The following RANBP17 variants were observed in gnomAD, a reference collection of about 807,000 sequenced individuals.
The protein encoded by RANBP17 is ran-binding protein 17.
In RANBP17, 158 loss-of-function variants were observed where a neutral mutation model predicts 141.2. The observed-to-expected ratio is 1.12, with a 90% CI of 0.98 to 1.28. RANBP17 has a LOEUF of 1.28. Among genes scored for constraint, RANBP17 ranks in the 50% most tolerant of loss-of-function variants. The pLI is 0.00. For synonymous variants in RANBP17, 430 were observed against 450.0 expected (o/e 0.96, Z 0.56); for missense variants, 1,438 against 1,290.7 (o/e 1.11, Z -1.75).
At chr5:171,255,887 G>A (rs373241790) in intron 24 of RANBP17, among the ~76,000 whole-genome samples, 5 of 152,092 alleles carry the variant, frequency 3.3e-5, no homozygotes, top group African/African-American at 1.2e-4. Context: ...ATAAATTATT[G>A]TAACTAAAAA....
At chr5:171,175,283 A>G (rs185887978) in intron 16 of RANBP17, among the ~76,000 whole-genome samples, 40 of 152,334 alleles carry the variant, frequency 2.6e-4, no homozygotes, top group African/African-American at 9.4e-4. Context: ...TCTTTACAGT[A>G]GAATGATTTA....
intron 14 of RANBP17, among the ~76,000 whole-genome samples, chr5:171,082,111 A>G (rs1208180262): frequency 6.6e-6 from 1 of 152,136 alleles, no homozygotes; most frequent in African/African-American, 2.4e-5. Flanking sequence ...CTTAAAGCAG[A>G]TATTTTTCTA....
chr5:171,130,431 CTTTTTTT>C (rs72051535), intron 14 of RANBP17, among the ~76,000 whole-genome samples: 7 of 90,018 alleles, frequency 7.8e-5, no homozygotes, highest in Non-Finnish European at 1.2e-4. Flanking sequence ...TTTAAAAAGA[CTTTTTTT>C]TTTTTTTTTT....
intron 3 of RANBP17, among the ~76,000 whole-genome samples, chr5:170,885,483 T>C (rs1348138314): frequency 6.6e-6 from 1 of 152,208 alleles, no homozygotes; most frequent in Non-Finnish European, 1.5e-5. Flanking sequence ...TAGTTGAGTC[T>C]GGTCTACAAA....
At chr5:171,054,443 T>A (rs245748) in intron 14 of RANBP17, among the ~76,000 whole-genome samples, 102,027 of 152,100 alleles carry the variant, frequency 0.67, 34,483 homozygotes, top group South Asian at 0.89. Context: ...ATATAGGGTA[T>A]CTTGCTAACA....
At chr5:170,906,743 T>C (rs1771104887) in intron 5 of RANBP17, among the ~76,000 whole-genome samples, 1 of 151,968 alleles carries the variant, frequency 6.6e-6, no homozygotes, top group Non-Finnish European at 1.5e-5. Flanking sequence ...TTGCTCAGAT[T>C]TTCCAAGATT....
intron 14 of RANBP17, among the ~76,000 whole-genome samples, chr5:171,152,150 C>T (rs756731639): frequency 9.2e-5 from 14 of 151,794 alleles, no homozygotes; most frequent in Non-Finnish European, 1.6e-4. Context: ...AGCTCACTCA[C>T]GCCTGTAATC....
At chr5:171,089,804 G>A (rs888693856) in intron 14 of RANBP17, among the ~76,000 whole-genome samples, 7 of 152,168 alleles carry the variant, frequency 4.6e-5, no homozygotes, top group Non-Finnish European at 7.3e-5. Flanking sequence ...GCAATGCCTC[G>A]CCCTGCTTAG....
chr5:170,887,927 A>C (rs1015415660), intron 3 of RANBP17, among the ~76,000 whole-genome samples: 2 of 152,174 alleles, frequency 1.3e-5, no homozygotes, highest in Non-Finnish European at 2.9e-5. Flanking sequence ...ATATGGGCAA[A>C]GCACTCTTGG....
intron 4 of RANBP17, among the ~76,000 whole-genome samples, chr5:170,893,337 G>T (rs1414657552): frequency 6.6e-6 from 1 of 151,990 alleles, no homozygotes; most frequent in African/African-American, 2.4e-5. Flanking sequence ...GGCTGATTTA[G>T]GGAAACCTGA....
chr5:171,233,100 G>A (rs1764306397), intron 22 of RANBP17, among the ~76,000 whole-genome samples: 2 of 152,156 alleles, frequency 1.3e-5, no homozygotes, highest in African/African-American at 4.8e-5. Context: ...TAGCACTTTG[G>A]GAGGCTGATG....
chr5:170,944,028 A>G (rs907389147), intron 12 of RANBP17, among the ~76,000 whole-genome samples: 3 of 152,090 alleles, frequency 2.0e-5, no homozygotes, highest in Non-Finnish European at 4.4e-5. Context: ...CCTTACCTCT[A>G]GTAACCACCA....
At chr5:171,057,957 A>G (rs1388611739) in intron 14 of RANBP17, among the ~76,000 whole-genome samples, 1 of 152,110 alleles carries the variant, frequency 6.6e-6, no homozygotes, top group African/African-American at 2.4e-5. Flanking sequence ...ACACAGAGCC[A>G]AACCATATCA....
At chr5:170,944,985 A>G (rs1362727233) in intron 12 of RANBP17, among the ~76,000 whole-genome samples, 2 of 152,170 alleles carry the variant, frequency 1.3e-5, no homozygotes, top group Non-Finnish European at 2.9e-5. Flanking sequence ...TCTGTCTCTC[A>G]CTAGGCTCAG....
At position 171,244,328 on chromosome 5, in the gene RANBP17, A is replaced by G. The variant is rs546675406; in HGVS notation, c.2776+1508A>G. On this transcript the variant is annotated intron_variant, in intron 24 of 27. Transcript: ENST00000523189. The stretch of plus-strand genomic sequence containing the variant: ...GAATCACTGAGGATGCAATAAGCCA[A>G]GATCGCACCACTGCACTCCAGCCTG... Among the ~76,000 whole-genome samples, 156 of 152,266 alleles carry G rather than the reference A, an allele frequency of 1.0e-3. 1 individual carries two copies. Among genetic ancestry groups the G allele is most frequent in the South Asian group, 6.6e-3 (32 of 4,824 alleles).
chr5:171,097,855 C>T (rs1394916078), intron 14 of RANBP17, among the ~76,000 whole-genome samples: 1 of 151,722 alleles, frequency 6.6e-6, no homozygotes, highest in Non-Finnish European at 1.5e-5. Context: ...TCTCATTTTT[C>T]ACCTCCCACT....
In RANBP17 at chr5:171,220,514, T is replaced by G. The variant is rs376668773; in HGVS notation, c.2340-1244T>G. Among the ~76,000 whole-genome samples the G allele has an allele frequency of 1.2e-3, 177 of 146,078 alleles. 8 individuals are homozygous for G. In the South Asian group the frequency reaches 0.04, roughly 33 times the overall value. On this transcript the variant is annotated intron_variant, in intron 21 of 27. Coordinates refer to ENST00000523189, the MANE Select transcript of RANBP17 (RefSeq NM_022897.5). ...CCCAGGCTGGAGCGCAGTGGCCCTA[T>G]CTCGACTCATTGCAACCTCCACCTC...
At chr5:171,050,628 T>C (rs1341304072) in intron 14 of RANBP17, among the ~76,000 whole-genome samples, 1 of 152,066 alleles carries the variant, frequency 6.6e-6, no homozygotes, top group Non-Finnish European at 1.5e-5. Context: ...GATGGCTTGA[T>C]TGCAGGAGTG....
At chr5:171,099,532 A>G (rs1474412820) in intron 14 of RANBP17, among the ~76,000 whole-genome samples, 1 of 152,184 alleles carries the variant, frequency 6.6e-6, no homozygotes, top group Admixed American at 6.5e-5. Flanking sequence ...TAAATATACA[A>G]TCATGTCATC....
Sources: allele counts gnomAD v4.1 joint callset (sites outside exome capture counted in the v4.1 genomes callset), GRCh38; gene constraint gnomAD v4.1.1; transcripts MANE v1.5; gene names NCBI Gene and HGNC (gene_info 2026-07-23, HGNC 2026-07-21).